BCAR1: variants seen among roughly 807,000 people sequenced by gnomAD.
The protein encoded by BCAR1 is breast cancer anti-estrogen resistance protein 1.
In BCAR1, 30 loss-of-function variants were observed where a neutral mutation model predicts 67.6. That is an observed-to-expected ratio of 0.44 (90% confidence interval 0.33 to 0.60). BCAR1 has a LOEUF of 0.60. Among genes scored for constraint, BCAR1 ranks in the 20% least tolerant of loss-of-function variants. BCAR1 has a pLI of 0.02. For synonymous variants in BCAR1, 626 were observed against 556.7 expected (o/e 1.12, Z -1.75); for missense variants, 1,313 against 1,222.3 (o/e 1.07, Z -1.11).
Position 75,242,180 on chromosome 16 carries a change from G to A in BCAR1, c.633+290C>T, listed in dbSNP as rs145427581. On this transcript the variant is annotated intron_variant, in intron 2 of 6. Transcript: ENST00000162330. ...CTGCCGACCCCATGTGCCAAGCCCC[G>A]CCTGCCCACTGGAACGCCTCAACAG... Among the ~76,000 whole-genome samples the A allele has an allele frequency of 3.9e-5, 6 of 152,314 alleles. No homozygotes were observed. The East Asian group carries it at 5.8e-4, about 15-fold the overall frequency.
At chr16:75,254,933 T>C (rs2077744889), upstream of BCAR1, among the ~76,000 whole-genome samples, 1 of 152,222 alleles carries the variant, frequency 6.6e-6, no homozygotes, top group Non-Finnish European at 1.5e-5. Context: ...TCCTGCTCTT[T>C]GGGCTTTCTG....
chr16:75,261,042 C>T (rs1023310170), intron 1 of BCAR1, among the ~76,000 whole-genome samples: 1 of 152,214 alleles, frequency 6.6e-6, no homozygotes, highest in Non-Finnish European at 1.5e-5. Flanking sequence ...AGCCTCTAAT[C>T]CCCCTTGGAG....
rs1223005901 is a variant in BCAR1 at position 75,265,994 on chromosome 16, GCCGCGCCGCGCATGCGCCGC to G, written c.66+1901_66+1920del. On this transcript the variant is annotated intron_variant, in intron 1 of 6. Coordinates refer to the BCAR1 transcript ENST00000393422. ...GACGCCGGACTGTCCGGCCGCTCCA[GCCGCGCCGCGCATGCGCCGC>G]CCGCGCCGCCCCCCCCACCGTCTCC... The G allele has an allele frequency of 2.8e-5, 29 of 1,043,006 alleles. No homozygotes were observed. In the East Asian group the frequency reaches 3.3e-4, roughly 12 times the overall value. 64.6% of individuals were successfully genotyped at this position (1,043,006 alleles called of 1,614,324 possible). A position where few individuals can be genotyped will look rare whatever the true frequency, so the allele number is the denominator to read the frequency against.
intron 1 of BCAR1, among the ~76,000 whole-genome samples, chr16:75,262,155 C>A (rs1233889216): frequency 6.6e-6 from 1 of 152,154 alleles, no homozygotes; most frequent in Non-Finnish European, 1.5e-5. Context: ...CTCCAGGAAC[C>A]CCTTTCAGCC....
chr16:75,252,199 G>T, upstream of BCAR1: 1 of 1,536,450 alleles, frequency 6.5e-7, no homozygotes, highest in Non-Finnish European at 8.7e-7. Flanking sequence ...AGGCTGGCGA[G>T]CTCTCGACCC....
At chr16:75,237,990 G>T in intron 2 of BCAR1, 1 of 1,268,752 alleles carries the variant, frequency 7.9e-7, no homozygotes, top group African/African-American at 1.5e-5. Flanking sequence ...TGCCCCGGGG[G>T]AGCTGCCTGC....
intron 1 of BCAR1, among the ~76,000 whole-genome samples, chr16:75,244,725 G>T (rs1317300251): frequency 6.6e-6 from 1 of 152,194 alleles, no homozygotes. Context: ...AGGGGCCAGG[G>T]GGCAGCTAGG....
In BCAR1 at chr16:75,233,926, C is replaced by T; in HGVS notation, c.2020G>A (p.Glu674Lys). Residue 674 changes from glutamate to lysine, a missense_variant, in exon 6 of 7, where the codon GAG becomes AAG. By Grantham distance (56) the Glu-to-Lys change is moderately conservative. Around this residue, in one of 2 missense-constraint regions of BCAR1, gnomAD observed 1,272 missense variants for 1,137.5 expected, o/e 1.12. Coordinates refer to ENST00000162330, the MANE Select transcript of BCAR1 (RefSeq NM_014567.5). ...YDYVHLQGKE[E>K]FEKTQKELLE... ...AGCTCCTTCTGGGTCTTCTCAAACT[C>T]CTCCTTCCCCTGGAGGGCAGAGACA... 4.4e-6 allele frequency: 7 copies of T among 1,606,544 alleles called. No individual in the cohort carries two copies. Among genetic ancestry groups the T allele is most frequent in the Non-Finnish European group, 5.1e-6 (6 of 1,176,492 alleles).
Position 75,238,122 on chromosome 16 carries a change from G to A in BCAR1, c.634-778C>T, listed in dbSNP as rs1305544086. ...CCAGAGCCCAGGGAAGCCAAGGCCC[G>A]CACAGTGGGTGAAGAGGCAGGCAGC... On this transcript the variant is annotated intron_variant, in intron 2 of 6. Transcript: ENST00000162330. 4.7e-6 allele frequency: 6 copies of A among 1,287,794 alleles called. No individual in the cohort carries two copies. In the South Asian group the frequency reaches 4.9e-5, roughly 11 times the overall value. The allele number at this position is 1,287,794 out of a possible 1,614,324, so 79.8% of individuals were successfully genotyped here. A position where few individuals can be genotyped will look rare whatever the true frequency, so the allele number is the denominator to read the frequency against.
Position 75,234,972 on chromosome 16 carries a change from A to T in BCAR1, c.1927T>A (p.Phe643Ile). The T allele has an allele frequency of 6.2e-7, 1 of 1,603,308 alleles. No individual in the cohort carries two copies. Among genetic ancestry groups the T allele is most frequent in the Non-Finnish European group, 8.5e-7 (1 of 1,172,376 alleles). The change falls in exon 5 of 7, where the codon TTC becomes ATC. Residue 643 changes from phenylalanine to isoleucine, a missense_variant. By Grantham distance (21) the Phe-to-Ile change is conservative. Around this residue, in one of 2 missense-constraint regions of BCAR1, gnomAD observed 1,272 missense variants for 1,137.5 expected, o/e 1.12. Transcript: ENST00000162330. ...QSRPLPSPPK[F>I]TSQDSPDGQY... is the part of the protein sequence containing the mutation. Reference sequence around the variant, plus strand: ...CCATCTGGCGAGTCCTGGGAGGTGAACTTAGGGGGTGAGGGCAGGGGTCGT... The same window carrying T: ...CCATCTGGCGAGTCCTGGGAGGTGATCTTAGGGGGTGAGGGCAGGGGTCGT...
intron 2 of BCAR1, among the ~76,000 whole-genome samples, chr16:75,240,169 T>C (rs2077289587): frequency 1.3e-5 from 2 of 152,128 alleles, no homozygotes; most frequent in African/African-American, 4.8e-5. Context: ...TCCTTGTCAC[T>C]CACCCTCTTG....
chr16:75,266,102 C>G, intron 1 of BCAR1: 2 of 954,112 alleles, frequency 2.1e-6, no homozygotes, highest in Non-Finnish European at 2.5e-6. Context: ...CGGCCCAACG[C>G]GGCGGGGAGG....
chr16:75,262,207 T>C (rs969864999), intron 1 of BCAR1, among the ~76,000 whole-genome samples: 2 of 152,186 alleles, frequency 1.3e-5, no homozygotes, highest in Non-Finnish European at 2.9e-5. Context: ...TCCCAGGCTC[T>C]GCACGGGGAT....
At position 75,235,657 on chromosome 16, in the gene BCAR1, G is replaced by C. The variant is rs768088481; in HGVS notation, c.1242C>G (p.Pro414=). 31 of 1,610,596 alleles carry C rather than the reference G, an allele frequency of 1.9e-5. No homozygotes were observed. In the South Asian group the frequency reaches 3.3e-4, roughly 17 times the overall value. Residue 414 remains proline (P), a synonymous_variant, in exon 5 of 7, where the codon CCC becomes CCG. Transcript: ENST00000162330. ...VVDSGVYAVP[P]PAEREAPAEG... is the part of the protein sequence containing the mutation. ...CTGCCGGGGCTTCACGTTCAGCTGG[G>C]GGAGGCACCGCATACACACCACTGT... is the stretch of plus-strand genomic sequence containing the variant.
At position 75,235,237 on chromosome 16, in the gene BCAR1, C is replaced by T. The variant is rs758639825; in HGVS notation, c.1662G>A (p.Thr554=). The change falls in exon 5 of 7, where the codon ACG becomes ACA. Residue 554 remains threonine, a synonymous_variant. Transcript: ENST00000162330. ...CGAGGGCCTGACCATGTGCCACCAG[C>T]GTCTGGTGCACGTCCTCCATCTTCT... The part of the protein sequence containing the change: ...QLQKMEDVHQ[T]LVAHGQALDA... 4.2e-5 allele frequency: 68 copies of T among 1,606,872 alleles called. 2 individuals carry two copies. Among genetic ancestry groups the T allele is most frequent in the South Asian group, 4.0e-4 (36 of 90,968 alleles).
In BCAR1 at chr16:75,267,898, C is replaced by T. The variant is rs763388851; in HGVS notation, c.66+17G>A. On this transcript the variant is annotated intron_variant, in intron 1 of 6. Transcript: ENST00000393422. ...TTAGCAGGGAGAGAGGGGACCCTGG[C>T]TAGAGCCCTCACTTACTCTGAGGCA... is the stretch of plus-strand genomic sequence containing the variant. 1.6e-5 allele frequency: 25 copies of T among 1,594,218 alleles called. No individual in the cohort carries two copies. The African/African-American group carries it at 1.9e-4, about 12-fold the overall frequency.
intron 1 of BCAR1, among the ~76,000 whole-genome samples, chr16:75,267,136 C>G (rs2151488777): frequency 6.6e-6 from 1 of 152,256 alleles, no homozygotes; most frequent in African/African-American, 2.4e-5. Context: ...GATCTTTTCT[C>G]CAGGAGTGTC....
At chr16:75,263,921 C>G in intron 1 of BCAR1, 1 of 1,080,492 alleles carries the variant, frequency 9.3e-7, no homozygotes, top group Non-Finnish European at 1.1e-6. Context: ...CCACCTCACA[C>G]ACTGCCCAAG....
At chr16:75,236,805 G>A (rs558243856) in intron 4 of BCAR1, 77 bp downstream of exon 4, 42 of 1,537,006 alleles carry the variant, frequency 2.7e-5, no homozygotes, top group Middle Eastern at 1.8e-4. Context: ...TGCAGACACT[G>A]GTCAGCACCC....
Sources: allele counts gnomAD v4.1 joint callset (sites outside exome capture counted in the v4.1 genomes callset), GRCh38; gene constraint gnomAD v4.1.1; regional missense constraint gnomAD v4.1.1; transcripts MANE v1.5; gene names NCBI Gene and HGNC (gene_info 2026-07-23, HGNC 2026-07-21).